OTUD7A: variants seen among roughly 807,000 people sequenced by gnomAD.
The protein encoded by OTUD7A is OTU deubiquitinase 7A, also known as OTU domain-containing protein 7A.
A neutral mutation model predicts 65.7 loss-of-function variants in OTUD7A; 12 were observed. The ratio of observed to expected loss-of-function variants is 0.18; its 90% CI spans 0.12 to 0.30. The LOEUF (loss-of-function observed/expected upper bound fraction) is 0.30. Ranked by LOEUF, OTUD7A falls within the 10% of genes least tolerant of loss-of-function variation. OTUD7A has a pLI of 1.00. For synonymous variants in OTUD7A, 641 were observed against 586.3 expected, an observed-to-expected ratio of 1.09 and a Z score of -1.35; for missense variants, 1,148 against 1,304.8, an observed-to-expected ratio of 0.88 and a Z score of 1.85.
chr15:31,862,080 C>G lies in OTUD7A; in HGVS notation c.-100+8427G>C, dbSNP rs115049968. On this transcript the variant is annotated intron_variant, in intron 1 of 12. Coordinates refer to ENST00000307050, the MANE Select transcript of OTUD7A (RefSeq NM_001382637.1). ...CCCCAGGGGAAAATGCCAAGACCAC[C>G]CTCTCTGGTAGTACCTCAGGTCACA... Among the ~76,000 whole-genome samples, 1,068 of 152,252 alleles carry G rather than the reference C, an allele frequency of 7.0e-3. 15 individuals are homozygous for G. Among genetic ancestry groups the G allele is most frequent in the African/African-American group, 0.025 (1,028 of 41,516 alleles).
chr15:31,724,258 T>C (rs983162683), intron 1 of OTUD7A, among the ~76,000 whole-genome samples: 5 of 152,248 alleles, frequency 3.3e-5, no homozygotes, highest in African/African-American at 1.2e-4. Flanking sequence ...ATCTGTGCTG[T>C]TTCTCTTCTA....
At chr15:31,722,967 C>A (rs1390122051) in intron 1 of OTUD7A, among the ~76,000 whole-genome samples, 1 of 152,078 alleles carries the variant, frequency 6.6e-6, no homozygotes, top group Non-Finnish European at 1.5e-5. Context: ...GGGAAGAGAG[C>A]AGGGAAGATG....
chr15:31,641,802 A>T (rs1891524793), intron 3 of OTUD7A, among the ~76,000 whole-genome samples: 1 of 152,188 alleles, frequency 6.6e-6, no homozygotes, highest in Non-Finnish European at 1.5e-5. Flanking sequence ...ACTAGTTCCA[A>T]AAAATGCTTT....
intron 1 of OTUD7A, among the ~76,000 whole-genome samples, chr15:31,772,257 A>AC (rs1418776507): frequency 1.3e-5 from 2 of 151,794 alleles, no homozygotes; most frequent in Admixed American, 6.6e-5. Context: ...GTCTCAAAAA[A>AC]AAAAAAAAAA....
At chr15:31,802,532 C>G (rs1475374887) in intron 1 of OTUD7A, among the ~76,000 whole-genome samples, 1 of 152,178 alleles carries the variant, frequency 6.6e-6, no homozygotes, top group Non-Finnish European at 1.5e-5. Flanking sequence ...AGTTGACACT[C>G]AGTATTAACC....
At chr15:31,603,380 T>C (rs1353538518) in intron 3 of OTUD7A, among the ~76,000 whole-genome samples, 1 of 152,210 alleles carries the variant, frequency 6.6e-6, no homozygotes, top group African/African-American at 2.4e-5. Context: ...TTGGGAAAAC[T>C]GGCTAGCCAT....
intron 1 of OTUD7A, among the ~76,000 whole-genome samples, chr15:31,869,212 T>G (rs1210809270): frequency 6.6e-6 from 1 of 152,144 alleles, no homozygotes; most frequent in Non-Finnish European, 1.5e-5. Context: ...GAGTGTGCCG[T>G]GCAGATCTAC....
intron 5 of OTUD7A, among the ~76,000 whole-genome samples, chr15:31,547,277 GCTGA>G (rs1206596741): frequency 2.0e-5 from 3 of 152,192 alleles, no homozygotes; most frequent in Non-Finnish European, 2.9e-5. Flanking sequence ...TACCTTAGAT[GCTGA>G]CTGAGTCTAT....
chr15:31,518,139 G>C (rs115632418), intron 8 of OTUD7A, among the ~76,000 whole-genome samples: 4,102 of 152,164 alleles, frequency 0.027, 187 homozygotes, highest in African/African-American at 0.093. Context: ...CTCACCTATG[G>C]GGACATAGGT....
intron 1 of OTUD7A, chr15:31,766,796 G>A: frequency 6.2e-7 from 1 of 1,612,836 alleles, no homozygotes; most frequent in South Asian, 1.1e-5. Flanking sequence ...AGGAATTCCT[G>A]TTTGGGCTTA....
At position 31,484,332 on chromosome 15, in the gene OTUD7A, C is replaced by T. The variant is rs1344609263; in HGVS notation, c.1764G>A (p.Thr588=). ...SKEESGASAS[T]SPSEKTTPSP... ...ACGGCGTGGTCTTTTCCGACGGCGA[C>T]GTGCTGGCCGACGCACCAGACTCCT... The change falls in exon 13 of 13, where the codon ACG becomes ACA. Residue 588 remains threonine (T), a synonymous_variant. Coordinates refer to ENST00000307050, the MANE Select transcript of OTUD7A (RefSeq NM_001382637.1). The surrounding 1 kb of genome is among the most constrained non-coding windows in gnomAD (Gnocchi z 4.5). The T allele has an allele frequency of 6.3e-7, 1 of 1,599,832 alleles. No homozygotes were observed.
At chr15:31,842,291 G>T (rs898946240) in intron 1 of OTUD7A, among the ~76,000 whole-genome samples, 7 of 152,240 alleles carry the variant, frequency 4.6e-5, no homozygotes, top group Admixed American at 1.3e-4. Context: ...GGATTATGAG[G>T]TGTGCTCAGT....
intron 3 of OTUD7A, among the ~76,000 whole-genome samples, chr15:31,622,060 A>T (rs1890803957): frequency 6.6e-6 from 1 of 151,974 alleles, no homozygotes; most frequent in Admixed American, 6.6e-5. Flanking sequence ...TGGGTTGAAA[A>T]TTCTTTTCTT....
chr15:31,602,582 T>C (rs1043473385), intron 3 of OTUD7A, among the ~76,000 whole-genome samples: 2 of 152,102 alleles, frequency 1.3e-5, no homozygotes, highest in African/African-American at 2.4e-5. Flanking sequence ...CTATTCAACA[T>C]AGTATTGGAA....
rs765938932 is a variant in OTUD7A, at chr15:31,480,670, C to T, written c.*2624G>A. The T allele has an allele frequency of 1.2e-4, 19 of 152,408 alleles. No individual in the cohort carries two copies. Among genetic ancestry groups the T allele is most frequent in the Admixed American group, 4.6e-4 (7 of 15,314 alleles). The allele number at this position is 152,408 out of a possible 1,614,324, so 9.4% of individuals were successfully genotyped here. On this transcript the variant is annotated 3_prime_UTR_variant, in exon 13 of 13. Coordinates refer to ENST00000307050, the MANE Select transcript of OTUD7A (RefSeq NM_001382637.1). Reference sequence around the variant, plus strand: ...TACACGCCTCTTCTCAAGGAGCATGCTGTCGGTGCACGGGACTAGCACATT... The same window carrying T: ...TACACGCCTCTTCTCAAGGAGCATGTTGTCGGTGCACGGGACTAGCACATT...
intron 1 of OTUD7A, among the ~76,000 whole-genome samples, chr15:31,697,543 GA>G (rs1273447938): frequency 2.0e-5 from 3 of 148,656 alleles, no homozygotes; most frequent in Non-Finnish European, 4.5e-5. Flanking sequence ...AAGGGTTTCA[GA>G]AGAATGAGAC....
chr15:31,755,661 G>A (rs1463205364), intron 1 of OTUD7A, among the ~76,000 whole-genome samples: 2 of 151,976 alleles, frequency 1.3e-5, no homozygotes, highest in East Asian at 1.9e-4. Context: ...GGTGGAGCTT[G>A]CAGTGAGCAG....
intron 3 of OTUD7A, among the ~76,000 whole-genome samples, chr15:31,651,922 T>C (rs1891850308): frequency 6.9e-6 from 1 of 144,754 alleles, no homozygotes; most frequent in South Asian, 2.2e-4. Flanking sequence ...GTAGATTTAC[T>C]AAAATTGTAG....
At chr15:31,792,019 C>T (rs950826229) in intron 1 of OTUD7A, among the ~76,000 whole-genome samples, 1 of 152,174 alleles carries the variant, frequency 6.6e-6, no homozygotes, top group South Asian at 2.1e-4. Context: ...CCAACCAGGA[C>T]TCTTGACTTC....
Sources: gnomAD v4.1 joint callset for allele counts (sites outside exome capture counted in the v4.1 genomes callset) on GRCh38, gnomAD v4.1.1 for gene constraint, Gnocchi (gnomAD v3.1) non-coding constraint, MANE v1.5 for transcripts, NCBI Gene and HGNC (gene_info 2026-07-23, HGNC 2026-07-21) for gene names.